The following HECW1 variants were observed in gnomAD, a reference collection of about 807,000 sequenced individuals.
HECW1 encodes the protein E3 ubiquitin-protein ligase HECW1.
HECW1 carries 61 observed loss-of-function variants against 182.3 expected under a neutral mutation model. That is an observed-to-expected ratio of 0.33 (90% confidence interval 0.27 to 0.41). The LOEUF (loss-of-function observed/expected upper bound fraction) is 0.41, where lower values mean the gene tolerates loss of function less well. Ranked by LOEUF, HECW1 falls within the 10% of genes least tolerant of loss-of-function variation. The pLI is 1.00. For synonymous variants in HECW1, 859 were observed against 832.6 expected (o/e 1.03, Z -0.55); for missense variants, 1,739 against 2,108.9 (o/e 0.82, Z 3.44).
chr7:43,274,053 G>T (rs1802770142), intron 3 of HECW1: 2 of 307,422 alleles, frequency 6.5e-6, no homozygotes, highest in Non-Finnish European at 1.2e-5. Context: ...GTTTTGCCAT[G>T]TTGACCAGGC....
intron 2 of HECW1, among the ~76,000 whole-genome samples, chr7:43,160,563 T>C (rs1790422460): frequency 6.6e-6 from 1 of 152,240 alleles, no homozygotes; most frequent in South Asian, 2.1e-4. Context: ...GGTTTGGAAA[T>C]GTCACTTTTA....
chr7:43,226,679 A>G (rs1797457745), intron 2 of HECW1, among the ~76,000 whole-genome samples: 1 of 152,226 alleles, frequency 6.6e-6, no homozygotes, highest in Non-Finnish European at 1.5e-5. Context: ...GGGTGAGGAA[A>G]GAGCCTGTGA....
In HECW1 at chr7:43,406,737, G is replaced by A. The variant is rs548647066; in HGVS notation, c.632-825G>A. ...GTTCAAAACCAGCCTAGCCAACACAGCGAAAATCTGTCTCTACTAAAAATA... is the reference window on the plus strand; with the variant it reads ...GTTCAAAACCAGCCTAGCCAACACAACGAAAATCTGTCTCTACTAAAAATA... On this transcript the variant is annotated intron_variant, in intron 7 of 29. Coordinates refer to ENST00000395891, the MANE Select transcript of HECW1 (RefSeq NM_015052.5). 1.6e-4 allele frequency among the ~76,000 whole-genome samples: 25 copies of A among 152,158 alleles called. 1 individual carries two copies. The South Asian group carries it at 4.6e-3, about 28-fold the overall frequency.
chr7:43,186,339 G>A (rs1250661823), intron 2 of HECW1, among the ~76,000 whole-genome samples: 1 of 152,174 alleles, frequency 6.6e-6, no homozygotes, highest in Non-Finnish European at 1.5e-5. Flanking sequence ...TTCAGTGAAA[G>A]ATGAACCTTG....
At chr7:43,126,067 C>CTTTTTTTTTTTT (rs71008891) in intron 2 of HECW1, among the ~76,000 whole-genome samples, 6 of 103,984 alleles carry the variant, frequency 5.8e-5, no homozygotes, top group African/African-American at 1.1e-4. Context: ...TTTGTTCTCA[C>CTTTTTTTTTTTT]TTTTTTTTTT....
intron 8 of HECW1, among the ~76,000 whole-genome samples, chr7:43,431,708 T>G (rs1186938099): frequency 6.6e-6 from 1 of 152,190 alleles, no homozygotes; most frequent in South Asian, 2.1e-4. Context: ...ATCTGGATTC[T>G]GCATATCTAT....
At chr7:43,198,595 C>T (rs1174058705) in intron 2 of HECW1, among the ~76,000 whole-genome samples, 1 of 148,552 alleles carries the variant, frequency 6.7e-6, no homozygotes, top group African/African-American at 2.5e-5. Context: ...ACACCATACA[C>T]ACCCCACAGT....
At chr7:43,223,621 A>G (rs76060634) in intron 2 of HECW1, among the ~76,000 whole-genome samples, 3 of 146,768 alleles carry the variant, frequency 2.0e-5, no homozygotes, top group African/African-American at 7.6e-5. Context: ...CTCCGTCTCA[A>G]AAAAAAAAAA....
At chr7:43,319,406 A>G (rs1809768481) in intron 4 of HECW1, among the ~76,000 whole-genome samples, 1 of 134,342 alleles carries the variant, frequency 7.4e-6, no homozygotes, top group Non-Finnish European at 1.5e-5. Context: ...AAAAAAAAAA[A>G]AAAGAGAGAA....
At chr7:43,477,908 A>G (rs2078278044) in intron 16 of HECW1, among the ~76,000 whole-genome samples, 1 of 152,218 alleles carries the variant, frequency 6.6e-6, no homozygotes, top group Non-Finnish European at 1.5e-5. Context: ...TAAAACTAGC[A>G]TTGATTGAGG....
chr7:43,281,917 G>T (rs553666382), intron 3 of HECW1, among the ~76,000 whole-genome samples: 6 of 151,966 alleles, frequency 3.9e-5, no homozygotes, highest in Admixed American at 3.9e-4. Flanking sequence ...TCAAAGTCCT[G>T]CCCTGCATCC....
At chr7:43,523,533 G>A (rs1395374145) in intron 24 of HECW1, among the ~76,000 whole-genome samples, 2 of 152,122 alleles carry the variant, frequency 1.3e-5, no homozygotes, top group Non-Finnish European at 1.5e-5. Context: ...TTGAAAGAGA[G>A]TCAGCCCCAG....
chr7:43,249,978 G>A (rs1799850904), intron 3 of HECW1, among the ~76,000 whole-genome samples: 2 of 152,096 alleles, frequency 1.3e-5, no homozygotes, highest in African/African-American at 4.8e-5. Context: ...GGGCCTGTTT[G>A]CTTAGCTATG....
At chr7:43,450,782 C>G in intron 11 of HECW1, 46 bp from the exon 12 acceptor site, 1 of 1,209,260 alleles carries the variant, frequency 8.3e-7, no homozygotes, top group Non-Finnish European at 1.2e-6. Context: ...GATGATGTTG[C>G]CACGGCAGTG....
intron 3 of HECW1, among the ~76,000 whole-genome samples, chr7:43,291,820 C>T (rs921183953): frequency 2.0e-5 from 3 of 152,146 alleles, no homozygotes; most frequent in Non-Finnish European, 4.4e-5. Flanking sequence ...ATGGGTAAAT[C>T]TCGAGTAGAT....
At chr7:43,226,180 T>C (rs915105402) in intron 2 of HECW1, among the ~76,000 whole-genome samples, 2 of 152,186 alleles carry the variant, frequency 1.3e-5, no homozygotes, top group Non-Finnish European at 2.9e-5. Context: ...AATAATAATA[T>C]CATGCTTTAT....
intron 2 of HECW1, among the ~76,000 whole-genome samples, chr7:43,214,446 A>C (rs1334786180): frequency 6.6e-6 from 1 of 152,222 alleles, no homozygotes; most frequent in Non-Finnish European, 1.5e-5. Flanking sequence ...AGGTACAAAA[A>C]ACTAGACAAA....
intron 7 of HECW1, among the ~76,000 whole-genome samples, chr7:43,399,777 C>A (rs1188693140): frequency 6.6e-6 from 1 of 152,160 alleles, no homozygotes; most frequent in Non-Finnish European, 1.5e-5. Context: ...CCAAGACAAC[C>A]ATTCCCAGCA....
intron 22 of HECW1, among the ~76,000 whole-genome samples, chr7:43,507,468 G>A (rs1000985085): frequency 6.6e-6 from 1 of 152,182 alleles, no homozygotes; most frequent in African/African-American, 2.4e-5. Flanking sequence ...GAAGGTAAGA[G>A]AGGGAAAGAG....
Sources: allele counts gnomAD v4.1 joint callset (sites outside exome capture counted in the v4.1 genomes callset), GRCh38; gene constraint gnomAD v4.1.1; transcripts MANE v1.5; gene names NCBI Gene and HGNC (gene_info 2026-07-23, HGNC 2026-07-21).